Variants in SLC25A51 observed in about 807,000 individuals in gnomAD.
SLC25A51 encodes mitochondrial nicotinamide adenine dinucleotide transporter SLC25A51.
In SLC25A51, 11 loss-of-function variants were observed where a neutral mutation model predicts 19.1. The ratio of observed to expected loss-of-function variants is 0.58; its 90% CI spans 0.36 to 0.96. SLC25A51 has a LOEUF of 0.96. Among genes scored for constraint, SLC25A51 ranks in the 40% least tolerant of loss-of-function variants. The pLI is 0.01. For synonymous variants in SLC25A51, 105 were observed against 133.6 expected (o/e 0.79, Z 1.47); for missense variants, 201 against 365.4 (o/e 0.55, Z 3.67).
intron 2 of SLC25A51, among the ~76,000 whole-genome samples, chr9:37,899,567 G>A (rs552738802): frequency 8.5e-5 from 13 of 152,194 alleles, no homozygotes; most frequent in African/African-American, 3.1e-4. Flanking sequence ...GTCACTCTGT[G>A]TTGCCCAGGC....
At chr9:37,886,735 T>C (rs1831464984), downstream of SLC25A51, among the ~76,000 whole-genome samples, 1 of 152,186 alleles carries the variant, frequency 6.6e-6, no homozygotes, top group South Asian at 2.1e-4. Context: ...TATTCCTTCT[T>C]AGTCAACCTG....
chr9:37,885,368 A>AC (rs1831429727), downstream of SLC25A51, among the ~76,000 whole-genome samples: 1 of 141,730 alleles, frequency 7.1e-6, no homozygotes, highest in Admixed American at 7.0e-5. Flanking sequence ...AAAAAAAAAA[A>AC]CCTTGTATTT....
chr9:37,893,176 C>T (rs1351042770), intron 2 of SLC25A51, among the ~76,000 whole-genome samples: 1 of 152,136 alleles, frequency 6.6e-6, no homozygotes, highest in Non-Finnish European at 1.5e-5. Flanking sequence ...CTGTGCCCAG[C>T]CAAATTTTTT....
At chr9:37,899,557 G>A (rs1044350463) in intron 2 of SLC25A51, among the ~76,000 whole-genome samples, 6 of 152,062 alleles carry the variant, frequency 3.9e-5, no homozygotes, top group African/African-American at 1.2e-4. Flanking sequence ...TAGAGACAGG[G>A]TCACTCTGTG....
At position 37,888,178 on chromosome 9, in the gene SLC25A51, C is replaced by A; in HGVS notation, c.373G>T (p.Ala125Ser). ...APEFATSGVA[A>S]VLAGTTEAIF... is the part of the protein sequence containing the mutation. The stretch of plus-strand genomic sequence containing the variant: ...GCTTCTGTTGTCCCTGCAAGCACTG[C>A]CGCCACGCCACTGGTTGCAAACTCT... The change falls in exon 3 of 3, where the codon GCA becomes TCA. Residue 125 changes from alanine (A) to serine (S), a missense_variant. Ala to Ser is a moderately conservative substitution (Grantham distance 99). Coordinates refer to ENST00000242275, the MANE Select transcript of SLC25A51 (RefSeq NM_033412.4). 3 of 1,614,014 alleles carry A rather than the reference C, an allele frequency of 1.9e-6. No homozygotes were observed. Among genetic ancestry groups the A allele is most frequent in the Non-Finnish European group, 2.5e-6 (3 of 1,179,914 alleles).
chr9:37,877,746 G>T (rs1410647082), downstream of SLC25A51, among the ~76,000 whole-genome samples: 4 of 152,118 alleles, frequency 2.6e-5, no homozygotes, highest in Non-Finnish European at 5.9e-5. Flanking sequence ...GGTGGCTCAT[G>T]CCTGTAATCC....
chr9:37,893,609 A>T (rs1224399825), intron 2 of SLC25A51, among the ~76,000 whole-genome samples: 1 of 152,184 alleles, frequency 6.6e-6, no homozygotes, highest in Non-Finnish European at 1.5e-5. Flanking sequence ...CCTGCTCTGA[A>T]AATTTGTTTC....
At position 37,900,868 on chromosome 9, in the gene SLC25A51, G is replaced by A. The variant is rs374907930; in HGVS notation, c.-164-918C>T. Among the ~76,000 whole-genome samples the A allele has an allele frequency of 1.6e-4, 24 of 152,196 alleles. No individual in the cohort carries two copies. The East Asian group carries it at 3.7e-3, about 23-fold the overall frequency. On this transcript the variant is annotated intron_variant, in intron 1 of 2. Transcript: ENST00000242275. ...TCTTACTATTTCTCAGTTTTGTTTT[G>A]TTTTTTTGAGACAGAGTTTTGCTCT...
At chr9:37,903,402 A>G (rs776388384) in intron 1 of SLC25A51, 2 of 152,240 alleles carry the variant, frequency 1.3e-5, no homozygotes, top group Non-Finnish European at 2.9e-5. Flanking sequence ...CTGAACACCA[A>G]ATAATGGATG....
intron 2 of SLC25A51, among the ~76,000 whole-genome samples, chr9:37,893,542 T>C (rs1831644090): frequency 1.3e-5 from 2 of 152,216 alleles, no homozygotes; most frequent in African/African-American, 4.8e-5. Flanking sequence ...TGTCCCTCCC[T>C]GATCAGGAGA....
At chr9:37,878,375 G>C (rs1831292046), downstream of SLC25A51, 1 of 174,816 alleles carries the variant, frequency 5.7e-6, no homozygotes, top group Non-Finnish European at 1.4e-5. Flanking sequence ...TTGTGCCCCA[G>C]TGTGAAATAA....
At chr9:37,885,680 G>A (rs372207589), downstream of SLC25A51, 167 of 1,281,100 alleles carry the variant, frequency 1.3e-4, 2 homozygotes, top group East Asian at 2.5e-3. Context: ...GCCCGAAACC[G>A]GAGAGAGAAG....
chr9:37,882,997 C>T (rs1017676185), downstream of SLC25A51, among the ~76,000 whole-genome samples: 3 of 152,200 alleles, frequency 2.0e-5, no homozygotes, highest in African/African-American at 7.2e-5. Context: ...GCATGTGCCA[C>T]CATACCCGGC....
At chr9:37,882,327 T>G (rs1831364573) in intron 2 of SLC25A51, among the ~76,000 whole-genome samples, 3 of 152,240 alleles carry the variant, frequency 2.0e-5, no homozygotes, top group African/African-American at 7.2e-5. Context: ...GAACCAGTGT[T>G]CGTTCAACAT....
intron 3 of SLC25A51, chr9:37,880,821 C>A (rs1285603004): frequency 6.6e-6 from 1 of 152,168 alleles, no homozygotes; most frequent in African/African-American, 2.4e-5. Flanking sequence ...TGGGAGTGCT[C>A]TGTAGCTATG....
intron 2 of SLC25A51, among the ~76,000 whole-genome samples, chr9:37,897,582 T>C (rs987290290): frequency 6.6e-6 from 1 of 151,886 alleles, no homozygotes; most frequent in Non-Finnish European, 1.5e-5. Context: ...TCTTTCTTCT[T>C]ATTGAACTGA....
At chr9:37,887,033 G>A (rs1256683444), downstream of SLC25A51, among the ~76,000 whole-genome samples, 3 of 148,216 alleles carry the variant, frequency 2.0e-5, no homozygotes, top group South Asian at 6.4e-4. Context: ...TTAGCTGGGC[G>A]TAGCCGGGCA....
At chr9:37,883,147 C>G (rs1396715990), downstream of SLC25A51, among the ~76,000 whole-genome samples, 1 of 152,188 alleles carries the variant, frequency 6.6e-6, no homozygotes, top group African/African-American at 2.4e-5. Context: ...ACCCGGCCTG[C>G]CTTTTCAAAG....
chr9:37,896,432 C>T (rs1831717044), intron 2 of SLC25A51, among the ~76,000 whole-genome samples: 1 of 152,108 alleles, frequency 6.6e-6, no homozygotes, highest in Admixed American at 6.6e-5. Flanking sequence ...CTTCGGTGTA[C>T]TCTTCCCCAA....
Sources: allele counts gnomAD v4.1 joint callset (sites outside exome capture counted in the v4.1 genomes callset), GRCh38; gene constraint gnomAD v4.1.1; transcripts MANE v1.5; gene names NCBI Gene and HGNC (gene_info 2026-07-23, HGNC 2026-07-21).